INTS2: variants seen among roughly 807,000 people sequenced by gnomAD.
The protein encoded by INTS2 is integrator complex subunit 2, also known as KIAA1287.
In INTS2, 57 loss-of-function variants were observed where a neutral mutation model predicts 139.6. The observed-to-expected ratio is 0.41, with a 90% CI of 0.33 to 0.51. The LOEUF is 0.51. Ranked by LOEUF, INTS2 falls within the 20% of genes least tolerant of loss-of-function variation. INTS2 has a pLI of 0.28. For missense variants in INTS2, 1,196 were observed against 1,436.7 expected (o/e 0.83, Z 2.71); for synonymous variants, 473 against 493.4 (o/e 0.96, Z 0.55).
At chr17:61,901,249 C>T (rs763177345) in intron 9 of INTS2, among the ~76,000 whole-genome samples, 1 of 151,660 alleles carries the variant, frequency 6.6e-6, no homozygotes. Flanking sequence ...CCCCGAGCAA[C>T]AGAGAGAGCC....
chr17:61,924,540 C>T (rs971052749), intron 3 of INTS2, among the ~76,000 whole-genome samples: 2 of 152,068 alleles, frequency 1.3e-5, no homozygotes, highest in African/African-American at 4.8e-5. Context: ...TAGAGAAGGC[C>T]GGGCACGGTG....
intron 5 of INTS2, among the ~76,000 whole-genome samples, chr17:61,916,163 G>A (rs1384543091): frequency 6.6e-6 from 1 of 152,064 alleles, no homozygotes; most frequent in Non-Finnish European, 1.5e-5. Context: ...GGCCAGGCAC[G>A]GTGGCTCACA....
chr17:61,927,863 G>A lies in INTS2; in HGVS notation c.-228C>T. On this transcript the variant is annotated 5_prime_UTR_variant, in exon 1 of 25. Coordinates refer to ENST00000251334, the MANE Select transcript of INTS2 (RefSeq NM_001351695.2). ...TCGATACAAAGTGGGAAGGATGGGG[G>A]CACCACACAAAGGCAGAACCGGGAC... The A allele has an allele frequency of 6.2e-7, 1 of 1,613,842 alleles. No individual in the cohort carries two copies. Among genetic ancestry groups the A allele is most frequent in the South Asian group, 1.1e-5 (1 of 91,072 alleles).
chr17:61,886,743 A>G (rs139126827), intron 15 of INTS2, among the ~76,000 whole-genome samples: 1 of 152,370 alleles, frequency 6.6e-6, no homozygotes, highest in African/African-American at 2.4e-5. Context: ...GAGAATCTCA[A>G]TCAGGGTGTT....
In INTS2 at chr17:61,911,702, G is replaced by A. The variant is rs1215507190; in HGVS notation, c.781-9C>T. 1.2e-6 allele frequency: 2 copies of A among 1,604,342 alleles called. No individual in the cohort carries two copies. The highest frequency in any genetic ancestry group is 1.3e-5 in the African/African-American group (1 of 74,462). On this transcript the variant is annotated splice_polypyrimidine_tract_variant and intron_variant, in intron 6 of 24. Coordinates refer to ENST00000251334, the MANE Select transcript of INTS2 (RefSeq NM_001351695.2). ...AAGTGACATTCTTCCACCTAGCACA[G>A]AAAAGAAAACAAACTGAATTCAGTA...
Position 61,888,564 on chromosome 17 carries a change from C to CGTGCGTGCGT in INTS2, c.1984+1221_1984+1222insACGCACGCAC, listed in dbSNP as rs755542102. 2.1e-3 allele frequency among the ~76,000 whole-genome samples: 256 copies of CGTGCGTGCGT among 119,652 alleles called. 2 individuals carry two copies. Among genetic ancestry groups the CGTGCGTGCGT allele is most frequent in the African/African-American group, 7.0e-3 (245 of 34,944 alleles). 78.5% of individuals were successfully genotyped at this position (119,652 alleles called of 152,430 possible). A position where few individuals can be genotyped will look rare whatever the true frequency, so the allele number is the denominator to read the frequency against. On this transcript the variant is annotated intron_variant, in intron 15 of 24. Transcript: ENST00000251334. ...TTCTCTGTGTGCGTGTGTGTGCGTGCGTGTGTGTGTGTGTGTGTGTGTGTG... is the reference window on the plus strand; with the variant it reads ...TTCTCTGTGTGCGTGTGTGTGCGTGCGTGCGTGCGTGTGTGTGTGTGTGTGTGTGTGTGTG...
chr17:61,916,370 C>G (rs964514440), intron 5 of INTS2, among the ~76,000 whole-genome samples: 15 of 152,044 alleles, frequency 9.9e-5, no homozygotes, highest in Admixed American at 6.6e-4. Context: ...GCAGGCAGAG[C>G]TGCAGTGAGC....
chr17:61,913,728 C>T lies in INTS2; in HGVS notation c.650-1658G>A, dbSNP rs532128493. 6.3e-4 allele frequency among the ~76,000 whole-genome samples: 96 copies of T among 152,122 alleles called. 2 individuals carry two copies. In the South Asian group the frequency reaches 0.019, roughly 31 times the overall value. ...GTAAAATTTGTTGCCAACAAACCCA[C>T]CCTACAAAAAATAAGGAAAATTCTT... On this transcript the variant is annotated intron_variant, in intron 5 of 24. Transcript: ENST00000251334.
At chr17:61,915,341 AAAAT>A (rs58856021) in intron 5 of INTS2, among the ~76,000 whole-genome samples, 22,432 of 141,190 alleles carry the variant, frequency 0.16, 2,169 homozygotes, top group East Asian at 0.53. Flanking sequence ...CCGTCTCAAA[AAAAT>A]AAATAAATAA....
rs1397950301 is a variant in INTS2 at position 61,884,905 on chromosome 17, C to T, written c.2085G>A (p.Leu695=). The change falls in exon 16 of 25, where the codon TTG becomes TTA. Residue 695 remains leucine (L), a synonymous_variant. Coordinates refer to ENST00000251334, the MANE Select transcript of INTS2 (RefSeq NM_001351695.2). ...AAAAAGCAAAATAAAACATACCTCC[C>T]AACTCCTGCTGCAGCCCTTGAGCCT... ...IRQAQGLQQE[L]GGLHSALLRL... 6.3e-7 allele frequency: 1 copy of T among 1,593,274 alleles called. No individual in the cohort carries two copies. The highest frequency in any genetic ancestry group is 8.6e-7 in the Non-Finnish European group (1 of 1,166,488).
chr17:61,907,668 C>T, intron 7 of INTS2, 34 bp from the exon 8 acceptor site: 3 of 1,519,942 alleles, frequency 2.0e-6, no homozygotes, highest in Non-Finnish European at 2.7e-6. Flanking sequence ...AGGAAGAAAG[C>T]ATGAAGCATT....
chr17:61,891,091 C>A (rs2378946), intron 14 of INTS2, among the ~76,000 whole-genome samples: 2 of 150,370 alleles, frequency 1.3e-5, no homozygotes, highest in South Asian at 4.2e-4. Context: ...GTCAGGAGTT[C>A]GAGATCAGCC....
At chr17:61,914,552 T>C (rs1334235457) in intron 5 of INTS2, among the ~76,000 whole-genome samples, 1 of 151,726 alleles carries the variant, frequency 6.6e-6, no homozygotes, top group East Asian at 2.0e-4. Flanking sequence ...ACAAAAAAAT[T>C]AGCCGGGCGT....
In INTS2 at chr17:61,872,906, G is replaced by A. The variant is rs1027027829; in HGVS notation, c.2583-446C>T. ...TCTAATAAGAATATAAATTAAAATG[G>A]GAATCTATTTTCACCTATCAAATTG... On this transcript the variant is annotated intron_variant, in intron 19 of 24. Coordinates refer to ENST00000251334, the MANE Select transcript of INTS2 (RefSeq NM_001351695.2). This position sits in a 1 kb window ranked among gnomAD's most constrained non-coding sequence, Gnocchi z 4.8. Among the ~76,000 whole-genome samples the A allele has an allele frequency of 2.6e-5, 4 of 152,034 alleles. No homozygotes were observed. Among genetic ancestry groups the A allele is most frequent in the African/African-American group, 9.7e-5 (4 of 41,384 alleles).
intron 15 of INTS2, among the ~76,000 whole-genome samples, chr17:61,887,067 A>G (rs1039073065): frequency 6.6e-6 from 1 of 152,214 alleles, no homozygotes; most frequent in African/African-American, 2.4e-5. Flanking sequence ...ACTTATTACA[A>G]TACTTAATAC....
Position 61,895,215 on chromosome 17 carries a change from A to G in INTS2, c.1563+100T>C, listed in dbSNP as rs544508184. ...TAAATCATCATGAGTTTAAAAAGAA[A>G]AAAGACCATATTATTTTCTTAAGGT... On this transcript the variant is annotated intron_variant, in intron 12 of 24. Transcript: ENST00000251334. 19 of 649,816 alleles carry G rather than the reference A, an allele frequency of 2.9e-5. No homozygotes were observed. The South Asian group carries it at 3.6e-4, about 12-fold the overall frequency. 40.3% of individuals were successfully genotyped at this position (649,816 alleles called of 1,614,324 possible). A position where few individuals can be genotyped will look rare whatever the true frequency, so the allele number is the denominator to read the frequency against.
chr17:61,908,556 T>C (rs528443042), intron 7 of INTS2, among the ~76,000 whole-genome samples: 1 of 152,216 alleles, frequency 6.6e-6, no homozygotes, highest in Non-Finnish European at 1.5e-5. Context: ...AGTAGATGAA[T>C]GAACAGAGAT....
At position 61,895,364 on chromosome 17, in the gene INTS2, G is replaced by A. The variant is rs530096906; in HGVS notation, c.1514C>T (p.Ser505Phe). The A allele has an allele frequency of 3.2e-6, 5 of 1,578,904 alleles. No homozygotes were observed. In the South Asian group the frequency reaches 6.0e-5, roughly 19 times the overall value. ...GAAGATTGTCTTCATCCTGCTCAAG[G>A]AGCTTGGCTTAATTACAATCTAAAA... ...LGMKIVIKPS[S>F]LSRMKTIFTQ... Residue 505 changes from serine (S) to phenylalanine (F), a missense_variant, in exon 12 of 25, where the codon TCC becomes TTC. Coordinates refer to ENST00000251334, the MANE Select transcript of INTS2 (RefSeq NM_001351695.2).
rs1454179828 is a variant in INTS2 at position 61,867,467 on chromosome 17, C to G, written c.*90G>C. ...TTAGTGATTCCAAGACAATACTTTACTGTTCCCATTCAGTTTAGAGTTGTT... is the reference window on the plus strand; with the variant it reads ...TTAGTGATTCCAAGACAATACTTTAGTGTTCCCATTCAGTTTAGAGTTGTT... On this transcript the variant is annotated 3_prime_UTR_variant, in exon 25 of 25. Coordinates refer to ENST00000251334, the MANE Select transcript of INTS2 (RefSeq NM_001351695.2). This position sits in a 1 kb window ranked among gnomAD's most constrained non-coding sequence, Gnocchi z 5.6. 2 of 702,760 alleles carry G rather than the reference C, an allele frequency of 2.8e-6. No individual in the cohort carries two copies. The highest frequency in any genetic ancestry group is 4.7e-6 in the Non-Finnish European group (2 of 427,196). 43.5% of individuals were successfully genotyped at this position (702,760 alleles called of 1,614,324 possible).
Sources: gnomAD v4.1 joint callset for allele counts (sites outside exome capture counted in the v4.1 genomes callset) on GRCh38, gnomAD v4.1.1 for gene constraint, Gnocchi (gnomAD v3.1) non-coding constraint, MANE v1.5 for transcripts, NCBI Gene and HGNC (gene_info 2026-07-23, HGNC 2026-07-21) for gene names.